Variants in SYTL2 observed in about 807,000 individuals in gnomAD.
The protein encoded by SYTL2 is synaptotagmin-like protein 2.
In SYTL2, 165 loss-of-function variants were observed where a neutral mutation model predicts 198.7. The ratio of observed to expected loss-of-function variants is 0.83; its 90% confidence interval spans 0.73 to 0.94. The LOEUF (loss-of-function observed/expected upper bound fraction) is 0.94. Ranked by LOEUF, SYTL2 falls within the 40% of genes least tolerant of loss-of-function variation. The probability of loss-of-function intolerance (pLI) is 0.00; values close to 1 mark genes in which losing one functional copy is unlikely to be tolerated. For synonymous variants in SYTL2, 966 were observed against 917.7 expected, an observed-to-expected ratio of 1.05 and a Z score of -0.95; for missense variants, 2,835 against 2,582.8, an observed-to-expected ratio of 1.10 and a Z score of -2.12.
the SYTL2 span, among the ~76,000 whole-genome samples, chr11:85,848,382 G>A: frequency 1.8e-3 from 269 of 151,580 alleles, 1 homozygote; most frequent in Non-Finnish European, 2.9e-3. Context: ...ATAACACTTG[G>A]CTGATGCAAA....
At chr11:85,697,918 A>C in intron 18 of SYTL2, 61 bp downstream of exon 18, 1 of 1,128,380 alleles carries the variant, frequency 8.9e-7, no homozygotes, top group Non-Finnish European at 1.3e-6. Context: ...TAGAGAACCG[A>C]AACTAACCAG....
intron 1 of SYTL2, among the ~76,000 whole-genome samples, chr11:85,787,276 G>C (rs1027801139): frequency 2.6e-5 from 4 of 152,122 alleles, no homozygotes; most frequent in African/African-American, 7.2e-5. Context: ...AGGAGACATG[G>C]TGTTCATAAA....
chr11:85,817,725 G>C, the SYTL2 span, among the ~76,000 whole-genome samples: 3 of 152,088 alleles, frequency 2.0e-5, no homozygotes, highest in African/African-American at 7.2e-5. Flanking sequence ...CATCCAGAGA[G>C]GGACTTGTGA....
Position 85,724,318 on chromosome 11 carries a change from G to T in SYTL2, c.5040C>A (p.Thr1680=). Residue 1680 remains threonine, a synonymous_variant, in exon 8 of 20, where the codon ACC becomes ACA. Transcript: ENST00000359152. ...TTTCACTGTCCCTGTCCTCTGGGGG[G>T]GTTACAGTTTTAATGGTCCCTATTT... ...AHEIGTIKTV[T]PPEDRDSESG... is the part of the protein sequence containing the mutation. 1 of 1,579,050 alleles carries T rather than the reference G, an allele frequency of 6.3e-7. No homozygotes were observed.
chr11:85,710,995 A>G, intron 13 of SYTL2, 118 bp downstream of exon 13: 1 of 1,127,580 alleles, frequency 8.9e-7, no homozygotes, highest in Non-Finnish European at 1.2e-6. Flanking sequence ...TATGGATTAG[A>G]GAAACTGTTT....
chr11:85,810,929 T>C (rs1419714611), intron 1 of SYTL2, 25 bp downstream of exon 1: 2 of 152,214 alleles, frequency 1.3e-5, no homozygotes, highest in Non-Finnish European at 2.9e-5. Flanking sequence ...GTGGGCCAAG[T>C]AGAGACTGGA....
intron 4 of SYTL2, among the ~76,000 whole-genome samples, chr11:85,739,684 C>A (rs756389742): frequency 1.4e-4 from 22 of 152,134 alleles, no homozygotes; most frequent in Non-Finnish European, 3.2e-4. Context: ...TCTATGTTAT[C>A]TATCATTTTA....
In SYTL2 at chr11:85,726,377, T is replaced by C; in HGVS notation, c.2981A>G (p.Asn994Ser). 6.2e-7 allele frequency: 1 copy of C among 1,613,782 alleles called. No homozygotes were observed. The highest frequency in any genetic ancestry group is 1.3e-5 in the African/African-American group (1 of 75,020). The change falls in exon 8 of 20, where the codon AAT (asparagine) becomes AGT (serine). Residue 994 changes from asparagine to serine, a missense_variant. This residue lies in a region of SYTL2 where 2,645 missense variants were observed against 2,381.7 expected (regional missense o/e 1.11). Transcript: ENST00000359152. Reference protein sequence around the residue: ...NLRKFWDLEANSNSKDNDKNI... With the variant: ...NLRKFWDLEASSNSKDNDKNI... ...CTTGTCATTATCCTTACTGTTTGAA[T>C]TAGCTTCTAAGTCCCAAAACTTTCT...
intron 3 of SYTL2, 50 bp from the exon 4 acceptor site, chr11:85,745,822 C>A (rs1206869098): frequency 6.4e-7 from 1 of 1,562,644 alleles, no homozygotes. Flanking sequence ...ACCTCCATGA[C>A]CTACAACTCT....
chr11:85,710,143 A>G (rs1197195459), intron 13 of SYTL2, among the ~76,000 whole-genome samples: 2 of 152,198 alleles, frequency 1.3e-5, no homozygotes, highest in African/African-American at 4.8e-5. Context: ...TCCAAAAGAA[A>G]GAAGATGTGA....
the SYTL2 span, among the ~76,000 whole-genome samples, chr11:85,817,407 T>C: frequency 5.3e-5 from 8 of 152,060 alleles, no homozygotes; most frequent in African/African-American, 1.4e-4. Context: ...GTAAAATATA[T>C]ACACACACAC....
chr11:85,793,360 T>C (rs996847756), intron 1 of SYTL2, among the ~76,000 whole-genome samples: 3 of 152,250 alleles, frequency 2.0e-5, no homozygotes, highest in African/African-American at 7.2e-5. Flanking sequence ...AGTTTTGATT[T>C]GCATTTCTCT....
At chr11:85,842,200 C>T in the SYTL2 span, among the ~76,000 whole-genome samples, 1 of 152,182 alleles carries the variant, frequency 6.6e-6, no homozygotes, top group Non-Finnish European at 1.5e-5. Flanking sequence ...GCTGTGGTCA[C>T]TCCAGTGGCT....
At chr11:85,850,890 A>G in the SYTL2 span, among the ~76,000 whole-genome samples, 1 of 150,430 alleles carries the variant, frequency 6.6e-6, no homozygotes, top group East Asian at 1.9e-4. Context: ...CATGGATGAA[A>G]TTGGAAATCA....
intron 1 of SYTL2, among the ~76,000 whole-genome samples, chr11:85,798,581 A>G (rs1592068998): frequency 6.6e-6 from 1 of 152,374 alleles, no homozygotes; most frequent in East Asian, 1.9e-4. Context: ...GACAACATAC[A>G]GTCATATTCA....
At chr11:85,711,460 T>C (rs990483302) in intron 12 of SYTL2, among the ~76,000 whole-genome samples, 4 of 152,184 alleles carry the variant, frequency 2.6e-5, no homozygotes, top group African/African-American at 9.7e-5. Context: ...CGAAGTGATT[T>C]CTTTTCACCT....
In SYTL2 at chr11:85,724,158, C is replaced by T. The variant is rs754553515; in HGVS notation, c.5200G>A (p.Val1734Ile). 1.2e-6 allele frequency: 2 copies of T among 1,604,266 alleles called. No homozygotes were observed. The highest frequency in any genetic ancestry group is 2.7e-5 in the African/African-American group (2 of 74,092). The change falls in exon 8 of 20, where the codon GTT becomes ATT. Residue 1734 changes from valine (V) to isoleucine (I), a missense_variant. By Grantham distance (29) the Val-to-Ile change is conservative. Transcript: ENST00000359152. The stretch of plus-strand genomic sequence containing the variant: ...TATGGCGATGCTAGAGTCAATTCAA[C>T]TTTACTTGTTTTTGTAGAGTTTTCT... ...NKENSTKTSK[V>I]ELTLASPYMK...
At chr11:85,729,826 T>C (rs1473575112) in intron 7 of SYTL2, among the ~76,000 whole-genome samples, 2 of 151,930 alleles carry the variant, frequency 1.3e-5, no homozygotes, top group African/African-American at 4.8e-5. Flanking sequence ...TTTGAAAAGA[T>C]CAATAAAATA....
At chr11:85,773,245 G>T (rs910770190) in intron 1 of SYTL2, among the ~76,000 whole-genome samples, 1 of 151,924 alleles carries the variant, frequency 6.6e-6, no homozygotes, top group African/African-American at 2.4e-5. Context: ...ACTGCCTTCA[G>T]GATAAAATTC....
Sources: allele counts gnomAD v4.1 joint callset (sites outside exome capture counted in the v4.1 genomes callset), GRCh38; gene constraint gnomAD v4.1.1; regional missense constraint gnomAD v4.1.1; transcripts MANE v1.5; gene names NCBI Gene and HGNC (gene_info 2026-07-23, HGNC 2026-07-21).